The following FHIT variants were observed in gnomAD, a reference collection of about 807,000 sequenced individuals.
The protein encoded by FHIT is fragile histidine triad diadenosine triphosphatase, also known as bis(5'-adenosyl)-triphosphatase.
FHIT carries 19 observed loss-of-function variants against 17.9 expected under a neutral mutation model. The observed-to-expected ratio is 1.06, with a 90% CI of 0.74 to 1.56. FHIT has a LOEUF of 1.56. Ranked by LOEUF, FHIT falls within the 40% of genes most tolerant of loss-of-function variation. The pLI, the probability that FHIT is intolerant of heterozygous loss-of-function variation, is 0.00. For missense variants in FHIT, 248 were observed against 189.2 expected, an observed-to-expected ratio of 1.31 and a Z score of -1.82; for synonymous variants, 81 against 69.7, an observed-to-expected ratio of 1.16 and a Z score of -0.81.
At chr3:60,335,969 G>T (rs149894018) in intron 5 of FHIT, among the ~76,000 whole-genome samples, 1 of 152,162 alleles carries the variant, frequency 6.6e-6, no homozygotes, top group Non-Finnish European at 1.5e-5. Context: ...TATTCTGACA[G>T]ATCTGACAGA....
chr3:59,983,616 G>A (rs1421261566), intron 7 of FHIT, among the ~76,000 whole-genome samples: 2 of 152,080 alleles, frequency 1.3e-5, no homozygotes, highest in African/African-American at 2.4e-5. Context: ...ATCCGCTGGG[G>A]TCTTAGAATG....
At chr3:60,797,106 A>C (rs531514340) in intron 4 of FHIT, among the ~76,000 whole-genome samples, 6 of 152,198 alleles carry the variant, frequency 3.9e-5, no homozygotes, top group Non-Finnish European at 5.9e-5. Flanking sequence ...TGCATTTTCT[A>C]ATCACCATAA....
intron 4 of FHIT, among the ~76,000 whole-genome samples, chr3:60,707,704 T>A (rs536893970): frequency 6.6e-6 from 1 of 152,314 alleles, no homozygotes; most frequent in African/African-American, 2.4e-5. Context: ...GAATAACATA[T>A]CATTTTTATC....
chr3:59,883,663 G>A (rs1703499651), intron 8 of FHIT, among the ~76,000 whole-genome samples: 1 of 152,204 alleles, frequency 6.6e-6, no homozygotes, highest in Admixed American at 6.5e-5. Flanking sequence ...ATCTTGTGGT[G>A]GAAATACTCT....
chr3:61,205,566 T>C (rs1027391550), intron 1 of FHIT, among the ~76,000 whole-genome samples: 3 of 152,216 alleles, frequency 2.0e-5, no homozygotes, highest in South Asian at 2.1e-4. Flanking sequence ...ATGTCTCTGA[T>C]GGCCAGTGAT....
At chr3:60,325,854 T>C (rs1249761186) in intron 5 of FHIT, among the ~76,000 whole-genome samples, 1 of 152,244 alleles carries the variant, frequency 6.6e-6, no homozygotes, top group Non-Finnish European at 1.5e-5. Context: ...TATGCTTTTA[T>C]TGAATGCACT....
At chr3:60,935,676 C>A (rs551972683) in intron 3 of FHIT, among the ~76,000 whole-genome samples, 1 of 152,250 alleles carries the variant, frequency 6.6e-6, no homozygotes, top group East Asian at 1.9e-4. Flanking sequence ...CTCTAAGAAA[C>A]TGTGACCCTA....
chr3:59,994,964 A>G (rs917662339), intron 7 of FHIT, among the ~76,000 whole-genome samples: 13 of 152,070 alleles, frequency 8.5e-5, no homozygotes, highest in Non-Finnish European at 1.3e-4. Flanking sequence ...GTGGGTCAGT[A>G]TAAGAAGGTG....
At chr3:59,910,414 G>C (rs1704813074) in intron 8 of FHIT, among the ~76,000 whole-genome samples, 1 of 152,170 alleles carries the variant, frequency 6.6e-6, no homozygotes, top group African/African-American at 2.4e-5. Flanking sequence ...GCAGCTCCCA[G>C]CTTGACTTTT....
chr3:60,599,474 A>G (rs192288193), intron 4 of FHIT, among the ~76,000 whole-genome samples: 1 of 152,228 alleles, frequency 6.6e-6, no homozygotes, highest in Non-Finnish European at 1.5e-5. Context: ...TTTATTTGTT[A>G]CCAAATCAAT....
intron 5 of FHIT, among the ~76,000 whole-genome samples, chr3:60,511,688 T>C (rs541563404): frequency 2.0e-5 from 3 of 152,242 alleles, no homozygotes; most frequent in South Asian, 2.1e-4. Context: ...GTCACCTGAG[T>C]AGCCATGAGC....
intron 5 of FHIT, among the ~76,000 whole-genome samples, chr3:60,430,667 G>A (rs191812925): frequency 2.6e-5 from 4 of 151,922 alleles, no homozygotes; most frequent in Admixed American, 1.3e-4. Context: ...ATTTTTTTAT[G>A]TCTGTTTTCT....
At chr3:60,331,639 G>A (rs1377460877) in intron 5 of FHIT, among the ~76,000 whole-genome samples, 1 of 152,126 alleles carries the variant, frequency 6.6e-6, no homozygotes, top group African/African-American at 2.4e-5. Flanking sequence ...CTGAGGTCAG[G>A]AATTCAAGAC....
At chr3:61,225,767 T>A (rs975030471) in intron 1 of FHIT, among the ~76,000 whole-genome samples, 1 of 152,254 alleles carries the variant, frequency 6.6e-6, no homozygotes, top group Non-Finnish European at 1.5e-5. Flanking sequence ...ATGACTTGAA[T>A]GACTGCTGAG....
At chr3:60,844,512 A>G (rs542711206) in intron 3 of FHIT, among the ~76,000 whole-genome samples, 1 of 151,282 alleles carries the variant, frequency 6.6e-6, no homozygotes, top group Non-Finnish European at 1.5e-5. Context: ...CTATTTTTTT[A>G]AAAAAAAATT....
chr3:59,826,232 C>T (rs1700972911), intron 8 of FHIT, among the ~76,000 whole-genome samples: 1 of 152,180 alleles, frequency 6.6e-6, no homozygotes, highest in Non-Finnish European at 1.5e-5. Context: ...ATTCTCCCAC[C>T]TCAGCCTCCT....
At chr3:60,739,858 G>T (rs1553713545) in intron 4 of FHIT, among the ~76,000 whole-genome samples, 1 of 152,082 alleles carries the variant, frequency 6.6e-6, no homozygotes, top group Non-Finnish European at 1.5e-5. Flanking sequence ...AATTCATCAA[G>T]ACAAAAATTT....
At chr3:60,174,913 T>C (rs2107418245) in intron 5 of FHIT, among the ~76,000 whole-genome samples, 1 of 152,300 alleles carries the variant, frequency 6.6e-6, no homozygotes, top group African/African-American at 2.4e-5. Flanking sequence ...CAATCATACA[T>C]TTGAGTCACT....
intron 4 of FHIT, among the ~76,000 whole-genome samples, chr3:60,747,098 ATCACAGT>A (rs2042372631): frequency 6.6e-6 from 1 of 151,620 alleles, no homozygotes; most frequent in Non-Finnish European, 1.5e-5. Context: ...TAAAACTAAG[ATCACAGT>A]TCTGTGGTTC....
Sources: gnomAD v4.1 joint callset for allele counts (sites outside exome capture counted in the v4.1 genomes callset) on GRCh38, gnomAD v4.1.1 for gene constraint, MANE v1.5 for transcripts, NCBI Gene and HGNC (gene_info 2026-07-23, HGNC 2026-07-21) for gene names.